Variants in L3HYPDH observed in about 807,000 individuals in gnomAD.
The protein encoded by L3HYPDH is trans-L-3-hydroxyproline dehydratase.
L3HYPDH carries 32 observed loss-of-function variants against 26.5 expected under a neutral mutation model. The ratio of observed to expected loss-of-function variants is 1.21; its 90% CI spans 0.91 to 1.62. The LOEUF (loss-of-function observed/expected upper bound fraction) is 1.62, where lower values mean the gene tolerates loss of function less well. Ranked by LOEUF, L3HYPDH falls within the 40% of genes most tolerant of loss-of-function variation. The pLI is 0.00. For missense variants in L3HYPDH, 554 were observed against 476.4 expected (o/e 1.16, Z -1.52); for synonymous variants, 215 against 196.6 (o/e 1.09, Z -0.78).
the L3HYPDH span, among the ~76,000 whole-genome samples, chr14:59,499,202 T>G: frequency 6.6e-6 from 1 of 151,644 alleles, no homozygotes; most frequent in Non-Finnish European, 1.5e-5. Context: ...TTTTGTATTT[T>G]TTTTTAGTAG....
chr14:59,477,084 C>T (rs913657849), intron 2 of L3HYPDH, among the ~76,000 whole-genome samples: 22 of 152,158 alleles, frequency 1.4e-4, no homozygotes, highest in African/African-American at 4.3e-4. Context: ...CAAGTTAAAG[C>T]GGCCTGCAGA....
chr14:59,472,986 C>A lies in L3HYPDH; in HGVS notation c.1044G>T (p.Arg348Ser), dbSNP rs199847263. 2.4e-5 allele frequency: 39 copies of A among 1,598,910 alleles called. No individual in the cohort carries two copies. The highest frequency in any genetic ancestry group is 6.8e-6 in the Non-Finnish European group (8 of 1,174,838). ...GAAGTCACTTGAGAAGAAATCCATC[C>A]CTCAATGGGTCGTCATCTTCTATTA... ...SFIIEDDDPL[R>S]DGFLLK Residue 348 changes from arginine (R) to serine (S), a missense_variant, in exon 5 of 5, where the codon AGG becomes AGT. Physicochemically the swap from Arg to Ser is moderately radical, Grantham distance 110. Transcript: ENST00000247194.
upstream of L3HYPDH, chr14:59,484,993 T>C (rs1594926259): frequency 6.3e-7 from 1 of 1,581,728 alleles, no homozygotes; most frequent in East Asian, 2.2e-5. Context: ...AACGTAGATT[T>C]ATAGCGCCCG....
At chr14:59,493,183 C>T in the L3HYPDH span, among the ~76,000 whole-genome samples, 1 of 152,122 alleles carries the variant, frequency 6.6e-6, no homozygotes, top group Non-Finnish European at 1.5e-5. Flanking sequence ...AGAAGGAAAA[C>T]ACATCCCAAG....
At chr14:59,487,945 T>G (rs761169150), upstream of L3HYPDH, 12 of 967,908 alleles carry the variant, frequency 1.2e-5, no homozygotes, top group Non-Finnish European at 1.9e-5. Flanking sequence ...CATGTTTTTC[T>G]TTATCTTCAG....
the L3HYPDH span, chr14:59,498,773 A>G: frequency 6.2e-7 from 1 of 1,602,754 alleles, no homozygotes; most frequent in Non-Finnish European, 8.5e-7. Flanking sequence ...GGTATTAATG[A>G]TGCTGCTCCG....
intron 2 of L3HYPDH, among the ~76,000 whole-genome samples, chr14:59,477,407 T>C (rs1889712854): frequency 6.6e-6 from 1 of 152,242 alleles, no homozygotes; most frequent in African/African-American, 2.4e-5. Context: ...ACAGAGTAAT[T>C]AATTGTACTG....
At chr14:59,479,431 T>C in intron 1 of L3HYPDH, 80 bp from the exon 2 acceptor site, 1 of 1,299,168 alleles carries the variant, frequency 7.7e-7, no homozygotes. Context: ...ATTTTTAATA[T>C]GTTTATTTTT....
the L3HYPDH span, among the ~76,000 whole-genome samples, chr14:59,492,797 ATTTTTTTTT>A: frequency 7.6e-5 from 10 of 132,004 alleles, no homozygotes; most frequent in Non-Finnish European, 1.4e-4. Context: ...GAGAGCTGCT[ATTTTTTTTT>A]TTTTTTTTTT....
the L3HYPDH span, among the ~76,000 whole-genome samples, chr14:59,492,883 C>T: frequency 1.3e-5 from 2 of 150,268 alleles, no homozygotes; most frequent in Non-Finnish European, 3.0e-5. Flanking sequence ...CTGCAAGCTT[C>T]GCCTCCCAGG....
chr14:59,469,408 A>G (rs938734375), downstream of L3HYPDH, among the ~76,000 whole-genome samples: 1 of 151,936 alleles, frequency 6.6e-6, no homozygotes, highest in Non-Finnish European at 1.5e-5. Context: ...CAAAAAAATT[A>G]GCTGAACGTA....
At chr14:59,485,208 G>A (rs539834916), upstream of L3HYPDH, 14 of 1,391,496 alleles carry the variant, frequency 1.0e-5, no homozygotes, top group Middle Eastern at 5.6e-4. Context: ...ATATTCACGT[G>A]TATTTATTAA....
chr14:59,476,276 TG>T, intron 2 of L3HYPDH, 62 bp from the exon 3 acceptor site: 1 of 1,232,748 alleles, frequency 8.1e-7, no homozygotes, highest in South Asian at 1.4e-5. Flanking sequence ...TTATAAATAA[TG>T]CAGATGGGTC....
intron 1 of L3HYPDH, chr14:59,483,599 C>T (rs1890219301): frequency 7.0e-7 from 1 of 1,432,216 alleles, no homozygotes; most frequent in Non-Finnish European, 9.1e-7. Flanking sequence ...CCCAAAACCA[C>T]AGGCGGATGG....
intron 1 of L3HYPDH, among the ~76,000 whole-genome samples, chr14:59,481,956 C>T (rs1004515110): frequency 6.6e-6 from 1 of 152,192 alleles, no homozygotes; most frequent in Admixed American, 6.5e-5. Flanking sequence ...CTTTAATTTC[C>T]AGTGGCAATA....
upstream of L3HYPDH, chr14:59,484,845 T>G (rs1890403903): frequency 9.4e-7 from 1 of 1,060,216 alleles, no homozygotes; most frequent in Admixed American, 2.9e-5. Flanking sequence ...CCGAAATGTC[T>G]CTTCAGTCCC....
intron 4 of L3HYPDH, among the ~76,000 whole-genome samples, chr14:59,475,470 A>C (rs977248612): frequency 2.6e-5 from 4 of 152,198 alleles, no homozygotes; most frequent in African/African-American, 9.6e-5. Context: ...GCATTGTTTG[A>C]TATTTTTGCA....
chr14:59,496,499 T>C, the L3HYPDH span, among the ~76,000 whole-genome samples: 1 of 152,156 alleles, frequency 6.6e-6, no homozygotes, highest in Non-Finnish European at 1.5e-5. Context: ...AGCGATAGTC[T>C]CATTTATGTT....
At chr14:59,495,086 T>C in the L3HYPDH span, 1 of 1,613,712 alleles carries the variant, frequency 6.2e-7, no homozygotes, top group South Asian at 1.1e-5. Flanking sequence ...ATCACCTTAC[T>C]TGTGAGTGAT....
Sources: allele counts gnomAD v4.1 joint callset (sites outside exome capture counted in the v4.1 genomes callset), GRCh38; gene constraint gnomAD v4.1.1; transcripts MANE v1.5; gene names NCBI Gene and HGNC (gene_info 2026-07-23, HGNC 2026-07-21).